The following LDB2 variants were observed in gnomAD, a reference collection of about 807,000 sequenced individuals.
LDB2 encodes the protein LIM domain-binding protein 2.
Under a neutral mutation model 44.3 loss-of-function variants are expected in LDB2, and 12 were observed. The ratio of observed to expected loss-of-function variants is 0.27; its 90% CI spans 0.17 to 0.44. LDB2 has a LOEUF of 0.44. Ranked by LOEUF, LDB2 falls within the 20% of genes least tolerant of loss-of-function variation. LDB2 has a pLI of 1.00. For synonymous variants in LDB2, 164 were observed against 174.8 expected (o/e 0.94, Z 0.49); for missense variants, 344 against 473.5 (o/e 0.73, Z 2.54).
intron 1 of LDB2, among the ~76,000 whole-genome samples, chr4:16,852,927 G>A (rs983158752): frequency 6.6e-6 from 1 of 152,212 alleles, no homozygotes; most frequent in East Asian, 1.9e-4. Context: ...AAAAAAGAAA[G>A]ATCACTTTAA....
chr4:16,883,201 G>A lies in LDB2; in HGVS notation c.132+15153C>T, dbSNP rs548051448. On this transcript the variant is annotated intron_variant, in intron 1 of 7. Coordinates refer to ENST00000304523, the MANE Select transcript of LDB2 (RefSeq NM_001290.5). ...AAAGAGCTGAAGGAGGCTCAGAAGA[G>A]GGCCAAAAATACGTTATTTACCTTG... Among the ~76,000 whole-genome samples, 14 of 152,294 alleles carry A rather than the reference G, an allele frequency of 9.2e-5. No individual in the cohort carries two copies. In the South Asian group the frequency reaches 2.7e-3, roughly 29 times the overall value.
At chr4:16,657,399 C>T (rs1292483272) in intron 2 of LDB2, among the ~76,000 whole-genome samples, 2 of 152,080 alleles carry the variant, frequency 1.3e-5, no homozygotes, top group Non-Finnish European at 2.9e-5. Flanking sequence ...CCTAATTGGT[C>T]GTGATGAACT....
chr4:16,580,988 G>C (rs934217989), intron 5 of LDB2, among the ~76,000 whole-genome samples: 1 of 152,150 alleles, frequency 6.6e-6, no homozygotes, highest in African/African-American at 2.4e-5. Flanking sequence ...TTTCATATTA[G>C]AAATTTGAAA....
Position 16,892,224 on chromosome 4 carries a change from T to C in LDB2, c.132+6130A>G, listed in dbSNP as rs1723622542. 2.0e-5 allele frequency among the ~76,000 whole-genome samples: 3 copies of C among 152,160 alleles called. No individual in the cohort carries two copies. In the South Asian group the frequency reaches 6.2e-4, roughly 32 times the overall value. ...GGCTCTCTATTGTAAGTGTGGTTTG[T>C]ATGTCTCCCCTCTTTATCAAATTGT... On this transcript the variant is annotated intron_variant, in intron 1 of 7. Coordinates refer to ENST00000304523, the MANE Select transcript of LDB2 (RefSeq NM_001290.5).
chr4:16,725,720 T>C (rs2152689288), intron 2 of LDB2, among the ~76,000 whole-genome samples: 1 of 152,074 alleles, frequency 6.6e-6, no homozygotes, highest in African/African-American at 2.4e-5. Context: ...AAGCCTTCCC[T>C]TTTTCCCACT....
At chr4:16,739,589 A>AAAATAT (rs1553994410) in intron 2 of LDB2, among the ~76,000 whole-genome samples, 1 of 64,332 alleles carries the variant, frequency 1.6e-5, no homozygotes, top group African/African-American at 6.6e-5. Flanking sequence ...AAAAAAAAAA[A>AAAATAT]ATATATATAT....
At chr4:16,647,739 G>A (rs1441133757) in intron 2 of LDB2, among the ~76,000 whole-genome samples, 1 of 152,094 alleles carries the variant, frequency 6.6e-6, no homozygotes, top group Non-Finnish European at 1.5e-5. Context: ...CTGACTCCAT[G>A]TCTTTGCCAT....
chr4:16,694,626 C>T (rs565383315), intron 2 of LDB2, among the ~76,000 whole-genome samples: 2 of 151,960 alleles, frequency 1.3e-5, no homozygotes, highest in African/African-American at 4.8e-5. Flanking sequence ...TGGACACAGC[C>T]GGCTTGAAAC....
intron 5 of LDB2, among the ~76,000 whole-genome samples, chr4:16,512,440 TAA>T (rs373485577): frequency 1.3e-3 from 61 of 45,696 alleles, no homozygotes; most frequent in African/African-American, 0.01. Flanking sequence ...TCTTTCTGGT[TAA>T]AAACAAACAA....
intron 1 of LDB2, among the ~76,000 whole-genome samples, chr4:16,793,972 A>G (rs908341000): frequency 6.6e-6 from 1 of 152,130 alleles, no homozygotes; most frequent in Non-Finnish European, 1.5e-5. Context: ...CCTCTCGGTA[A>G]TGTCTTAGAT....
At chr4:16,653,682 A>G (rs1738937446) in intron 2 of LDB2, 1 of 152,274 alleles carries the variant, frequency 6.6e-6, no homozygotes, top group African/African-American at 2.4e-5. Flanking sequence ...TGAGGAGAAC[A>G]AATGAAAGCA....
rs200269462 is a variant in LDB2, at chr4:16,542,108, G to GGT, written c.616-30005_616-30004insAC. Among the ~76,000 whole-genome samples the GGT allele has an allele frequency of 2.9e-3, 432 of 147,468 alleles. 47 individuals are homozygous for GGT. The highest frequency in any genetic ancestry group is 0.01 in the African/African-American group (415 of 39,608). On this transcript the variant is annotated intron_variant, in intron 5 of 7. Transcript: ENST00000304523. Reference sequence around the variant, plus strand: ...TCCAATTACATCAGGTGGTGGGGGGGGGGGCGCGAGCAGGAGGGCATAAGA... The same window carrying GGT: ...TCCAATTACATCAGGTGGTGGGGGGGGTGGGGCGCGAGCAGGAGGGCATAAGA...
chr4:16,503,008 C>T (rs1011922590), intron 7 of LDB2, 135 bp from the exon 8 acceptor site: 37 of 1,587,610 alleles, frequency 2.3e-5, no homozygotes, highest in East Asian at 9.1e-5. Flanking sequence ...GTCTCAATGT[C>T]GGGGGCCGAG....
intron 1 of LDB2, among the ~76,000 whole-genome samples, chr4:16,792,815 G>A (rs1050369955): frequency 6.6e-6 from 1 of 152,208 alleles, no homozygotes; most frequent in Non-Finnish European, 1.5e-5. Context: ...ACAAGAGGAA[G>A]GAGGAAGGAA....
rs144000253 is a variant in LDB2, at chr4:16,891,457, C to T, written c.132+6897G>A. Among the ~76,000 whole-genome samples, 229 of 151,910 alleles carry T rather than the reference C, an allele frequency of 1.5e-3. 10 individuals carry two copies. The East Asian group carries it at 0.038, about 25-fold the overall frequency. On this transcript the variant is annotated intron_variant, in intron 1 of 7. Coordinates refer to ENST00000304523, the MANE Select transcript of LDB2 (RefSeq NM_001290.5). The stretch of plus-strand genomic sequence containing the variant: ...CCTCCCGTGTAGCTGAGACTACAGG[C>T]GTGTGCCACCATGCCTGGTTAATTT...
At chr4:16,765,342 C>A (rs749401508) in intron 1 of LDB2, among the ~76,000 whole-genome samples, 35 of 152,224 alleles carry the variant, frequency 2.3e-4, no homozygotes, top group Non-Finnish European at 4.6e-4. Flanking sequence ...CTTCTCAACT[C>A]TTTGTGCCTC....
chr4:16,569,664 A>G (rs1380096821), intron 5 of LDB2, among the ~76,000 whole-genome samples: 1 of 152,038 alleles, frequency 6.6e-6, no homozygotes, highest in Non-Finnish European at 1.5e-5. Context: ...CCATCCCTCC[A>G]TCCATCCATC....
At chr4:16,850,230 C>T (rs1458244603) in intron 1 of LDB2, among the ~76,000 whole-genome samples, 1 of 152,066 alleles carries the variant, frequency 6.6e-6, no homozygotes, top group African/African-American at 2.4e-5. Flanking sequence ...ATGGACACAT[C>T]TAGCCAGAGA....
intron 2 of LDB2, among the ~76,000 whole-genome samples, chr4:16,602,462 G>A (rs1560600414): frequency 6.6e-6 from 1 of 152,140 alleles, no homozygotes; most frequent in African/African-American, 2.4e-5. Context: ...TGGTCAAAGA[G>A]AACAAGATGA....
Sources: gnomAD v4.1 joint callset for allele counts (sites outside exome capture counted in the v4.1 genomes callset) on GRCh38, gnomAD v4.1.1 for gene constraint, MANE v1.5 for transcripts, NCBI Gene and HGNC (gene_info 2026-07-23, HGNC 2026-07-21) for gene names.